The following SDCBP2 variants were observed in gnomAD, a reference collection of about 807,000 sequenced individuals.
The protein encoded by SDCBP2 is syntenin-2.
SDCBP2 carries 28 observed loss-of-function variants against 30.7 expected under a neutral mutation model. The observed-to-expected ratio is 0.91, with a 90% CI of 0.68 to 1.25. The LOEUF is 1.25. SDCBP2 is among the 50% of genes most tolerant of loss of function. The pLI is 0.00. For synonymous variants in SDCBP2, 166 were observed against 157.3 expected (o/e 1.06, Z -0.41); for missense variants, 399 against 379.0 (o/e 1.05, Z -0.44).
rs150568401 is a variant in SDCBP2 at position 1,321,903 on chromosome 20, G to C, written c.-19-1468C>G. 2.0e-5 allele frequency: 3 copies of C among 152,228 alleles called. No individual in the cohort carries two copies. The highest frequency in any genetic ancestry group is 6.5e-5 in the Admixed American group (1 of 15,278). 9.4% of individuals were successfully genotyped at this position (152,228 alleles called of 1,614,324 possible). On this transcript the variant is annotated intron_variant, in intron 1 of 8. Coordinates refer to ENST00000360779, the MANE Select transcript of SDCBP2 (RefSeq NM_080489.5). The surrounding 1 kb of genome is among the most constrained non-coding windows in gnomAD (Gnocchi z 5.2). ...GCTTTGGCAACCCTAGGCTATAGCA[G>C]AGTAGCTACAATTGAGTAGCAGCAG...
Position 1,310,830 on chromosome 20 carries a change from G to C in SDCBP2, c.794C>G (p.Pro265Arg). ...GACCATGTGCTCGTAGATCACACTG[G>C]GGATGATGGTCAGGGTGACAACGTT... ...AGNVVTLTII[P>R]SVIYEHMVKK... is the part of the protein sequence containing the mutation. The change falls in exon 8 of 9, where the codon CCC becomes CGC. Residue 265 changes from proline to arginine, a missense_variant. By Grantham distance (103) the Pro-to-Arg change is moderately radical (BLOSUM62 -2). Coordinates refer to ENST00000360779, the MANE Select transcript of SDCBP2 (RefSeq NM_080489.5). 6.2e-7 allele frequency: 1 copy of C among 1,614,004 alleles called. No individual in the cohort carries two copies. The highest frequency in any genetic ancestry group is 2.2e-5 in the East Asian group (1 of 44,868).
intron 8 of SDCBP2, 151 bp downstream of exon 8, chr20:1,310,649 G>T: frequency 1.0e-6 from 1 of 983,282 alleles, no homozygotes; most frequent in Non-Finnish European, 1.5e-6. Flanking sequence ...ACCTTGGAGG[G>T]AGGGGAAGGG....
At chr20:1,328,778 G>C (rs1278025235) in intron 1 of SDCBP2, among the ~76,000 whole-genome samples, 2 of 152,154 alleles carry the variant, frequency 1.3e-5, no homozygotes, top group Non-Finnish European at 2.9e-5. Flanking sequence ...GCTGGAATTG[G>C]CCTTTCAAGG....
chr20:1,310,373 C>G lies in SDCBP2; in HGVS notation c.*68G>C. 1.3e-6 allele frequency: 2 copies of G among 1,515,416 alleles called. No individual in the cohort carries two copies. Among genetic ancestry groups the G allele is most frequent in the Non-Finnish European group, 1.8e-6 (2 of 1,094,920 alleles). The allele number at this position is 1,515,416 out of a possible 1,614,324, so 93.9% of individuals were successfully genotyped here. A position where few individuals can be genotyped will look rare whatever the true frequency, so the allele number is the denominator to read the frequency against. On this transcript the variant is annotated 3_prime_UTR_variant, in exon 9 of 9. Coordinates refer to ENST00000360779, the MANE Select transcript of SDCBP2 (RefSeq NM_080489.5). The stretch of plus-strand genomic sequence containing the variant: ...AGCAGGCCGGCTGCAACCCATCATC[C>G]GAGGGTGGTTGCCCTTTGCTGCAGG...
Position 1,313,677 on chromosome 20 carries a change from A to AG in SDCBP2, c.226-180dup, listed in dbSNP as rs1268590383. On this transcript the variant is annotated intron_variant, in intron 4 of 8. Transcript: ENST00000360779. The surrounding 1 kb of genome is among the most constrained non-coding windows in gnomAD (Gnocchi z 5.2). Reference sequence around the variant, plus strand: ...GGAGACGTGGCTCCACGCGGCCACTAGGGGGCGTCAAAGTCCATGCCCTTA... The same window carrying AG: ...GGAGACGTGGCTCCACGCGGCCACTAGGGGGGCGTCAAAGTCCATGCCCTTA... The AG allele has an allele frequency of 1.5e-6, 2 of 1,368,508 alleles. No homozygotes were observed. The highest frequency in any genetic ancestry group is 2.9e-5 in the East Asian group (1 of 34,918). The allele number at this position is 1,368,508 out of a possible 1,614,324, so 84.8% of individuals were successfully genotyped here. A position where few individuals can be genotyped will look rare whatever the true frequency, so the allele number is the denominator to read the frequency against.
rs1325910634 is a variant in SDCBP2 at position 1,313,224 on chromosome 20, G to A, written c.384+116C>T. On this transcript the variant is annotated intron_variant, in intron 5 of 8. Transcript: ENST00000360779. The surrounding 1 kb of genome is among the most constrained non-coding windows in gnomAD (Gnocchi z 5.2). Reference sequence around the variant, plus strand: ...TGGGGGCAAGAGCCTGGCCGCTGGGGTTAGGAGGCCCGCTCTGCACCTTCC... The same window carrying A: ...TGGGGGCAAGAGCCTGGCCGCTGGGATTAGGAGGCCCGCTCTGCACCTTCC... 1.8e-6 allele frequency: 2 copies of A among 1,131,926 alleles called. No homozygotes were observed. The highest frequency in any genetic ancestry group is 2.5e-6 in the Non-Finnish European group (2 of 789,906). 70.1% of individuals were successfully genotyped at this position (1,131,926 alleles called of 1,614,324 possible).
At chr20:1,316,486 C>T (rs1427726006) in intron 4 of SDCBP2, among the ~76,000 whole-genome samples, 1 of 152,138 alleles carries the variant, frequency 6.6e-6, no homozygotes, top group South Asian at 2.1e-4. Flanking sequence ...ACCTCCTGGG[C>T]TCAAGCAATC....
rs902928294 is a variant in SDCBP2, at chr20:1,320,763, G to A, written c.-19-328C>T. The A allele has an allele frequency of 2.6e-5, 5 of 193,162 alleles. No individual in the cohort carries two copies. The highest frequency in any genetic ancestry group is 3.2e-5 in the Non-Finnish European group (3 of 94,422). 12.0% of individuals were successfully genotyped at this position (193,162 alleles called of 1,614,324 possible). A position where few individuals can be genotyped will look rare whatever the true frequency, so the allele number is the denominator to read the frequency against. On this transcript the variant is annotated intron_variant, in intron 1 of 8. Coordinates refer to ENST00000360779, the MANE Select transcript of SDCBP2 (RefSeq NM_080489.5). This position sits in a 1 kb window ranked among gnomAD's most constrained non-coding sequence, Gnocchi z 4.7. ...CACTGCTCCAGAGGGAGGAGGGAAT[G>A]GGGGGTGGAGAGGCACCATGAGCAC... is the stretch of plus-strand genomic sequence containing the variant.
rs775820466 is a variant in SDCBP2, at chr20:1,320,345, T to C, written c.54+18A>G. 23 of 1,611,384 alleles carry C rather than the reference T, an allele frequency of 1.4e-5. No homozygotes were observed. The highest frequency in any genetic ancestry group is 2.0e-5 in the Non-Finnish European group (23 of 1,177,742). On this transcript the variant is annotated intron_variant, in intron 2 of 8. Coordinates refer to ENST00000360779, the MANE Select transcript of SDCBP2 (RefSeq NM_080489.5). The surrounding 1 kb of genome is among the most constrained non-coding windows in gnomAD (Gnocchi z 4.7). ...GTCCCCTTCAGGGAATCCAGGCCAATGGGGCCTGGCGACTTACCTGAATGG... is the reference window on the plus strand; with the variant it reads ...GTCCCCTTCAGGGAATCCAGGCCAACGGGGCCTGGCGACTTACCTGAATGG...
Position 1,312,730 on chromosome 20 carries a change from G to T in SDCBP2, c.417C>A (p.Thr139=). 1 of 1,613,746 alleles carries T rather than the reference G, an allele frequency of 6.2e-7. No homozygotes were observed. Among genetic ancestry groups the T allele is most frequent in the Non-Finnish European group, 8.5e-7 (1 of 1,179,980 alleles). The change falls in exon 6 of 9, where the codon ACC becomes ACA. Residue 139 remains threonine (T), a synonymous_variant. Coordinates refer to ENST00000360779, the MANE Select transcript of SDCBP2 (RefSeq NM_080489.5). ...AGCGCAGCCCCACAAGGGATGCAGG[G>T]GTGTTGGCCTGGACCAACTGCACAA... ...GLFVQLVQAN[T]PASLVGLRFG... is the part of the protein sequence containing the mutation.
chr20:1,310,140 G>T lies in SDCBP2; in HGVS notation c.*301C>A. ...CCTGGTAGAGCAAAATTTCTTGAAA[G>T]GGGCCCAGTTGCGACTTTAAGCAGC... On this transcript the variant is annotated 3_prime_UTR_variant, in exon 9 of 9. Coordinates refer to ENST00000360779, the MANE Select transcript of SDCBP2 (RefSeq NM_080489.5). 3.3e-6 allele frequency: 1 copy of T among 301,690 alleles called. No homozygotes were observed. Among genetic ancestry groups the T allele is most frequent in the Non-Finnish European group, 6.1e-6 (1 of 164,244 alleles). The allele number at this position is 301,690 out of a possible 1,614,324, so 18.7% of individuals were successfully genotyped here.
rs1187522371 is a variant in SDCBP2, at chr20:1,324,452, G to A, written c.-19-4017C>T. 1.3e-5 allele frequency: 2 copies of A among 152,118 alleles called. No individual in the cohort carries two copies. Among genetic ancestry groups the A allele is most frequent in the Non-Finnish European group, 2.9e-5 (2 of 68,016 alleles). The allele number at this position is 152,118 out of a possible 1,614,324, so 9.4% of individuals were successfully genotyped here. ...ATCCCTGTCGGGGGTGGGGGGGGCAGGGATATGAAACTCCTGTAATGGATG... is the reference window on the plus strand; with the variant it reads ...ATCCCTGTCGGGGGTGGGGGGGGCAAGGATATGAAACTCCTGTAATGGATG... On this transcript the variant is annotated intron_variant, in intron 1 of 8. Coordinates refer to ENST00000360779, the MANE Select transcript of SDCBP2 (RefSeq NM_080489.5). This position sits in a 1 kb window ranked among gnomAD's most constrained non-coding sequence, Gnocchi z 4.7.
chr20:1,311,727 T>G (rs547333550), intron 7 of SDCBP2, among the ~76,000 whole-genome samples: 1 of 152,180 alleles, frequency 6.6e-6, no homozygotes, highest in Admixed American at 6.5e-5. Context: ...CACGACCCCA[T>G]GGATTTCTGA....
intron 1 of SDCBP2, among the ~76,000 whole-genome samples, chr20:1,328,054 T>A (rs1600290033): frequency 6.6e-6 from 1 of 151,720 alleles, no homozygotes. Context: ...CTGGGTGGGG[T>A]GACATTTGAG....
At chr20:1,318,754 TAAG>T (rs2088814704) in intron 3 of SDCBP2, among the ~76,000 whole-genome samples, 2 of 152,194 alleles carry the variant, frequency 1.3e-5, no homozygotes, top group African/African-American at 4.8e-5. Flanking sequence ...TGTGTCCTTA[TAAG>T]AAGAGACAAC....
In SDCBP2 at chr20:1,313,352, C is replaced by A. The variant is rs1198919754; in HGVS notation, c.372G>T (p.Arg124=). 1.2e-6 allele frequency: 2 copies of A among 1,611,608 alleles called. No homozygotes were observed. The change falls in exon 5 of 9, where the codon CGG becomes CGT. Residue 124 remains arginine (R), a synonymous_variant. Transcript: ENST00000360779. This position sits in a 1 kb window ranked among gnomAD's most constrained non-coding sequence, Gnocchi z 5.2. ...CCCCGCGCCCTACCTGGTCGACCTT[C>A]CGCAGCCTCAGCCCGGTCTTGCCGC... is the stretch of plus-strand genomic sequence containing the variant. ...DERGKTGLRL[R]KVDQGLFVQL...
chr20:1,310,771 A>G, intron 8 of SDCBP2, 29 bp downstream of exon 8: 2 of 1,574,456 alleles, frequency 1.3e-6, no homozygotes, highest in Non-Finnish European at 1.7e-6. Context: ...AGGAGGGGTG[A>G]GGAGGGGTGA....
At position 1,313,145 on chromosome 20, in the gene SDCBP2, G is replaced by T. The variant is rs749853998; in HGVS notation, c.384+195C>A. 1.9e-5 allele frequency: 12 copies of T among 638,578 alleles called. No individual in the cohort carries two copies. The African/African-American group carries it at 2.2e-4, about 12-fold the overall frequency. 39.6% of individuals were successfully genotyped at this position (638,578 alleles called of 1,614,324 possible). On this transcript the variant is annotated intron_variant, in intron 5 of 8. Transcript: ENST00000360779. This position sits in a 1 kb window ranked among gnomAD's most constrained non-coding sequence, Gnocchi z 5.2. ...ACGGAAGCCCACGGAGAGGCCAGTGGAGGGCCCTGCGCAACCCAGCACCAG... is the reference window on the plus strand; with the variant it reads ...ACGGAAGCCCACGGAGAGGCCAGTGTAGGGCCCTGCGCAACCCAGCACCAG...
intron 7 of SDCBP2, among the ~76,000 whole-genome samples, chr20:1,311,900 C>CTTTTT (rs11471529): frequency 0.1 from 12,232 of 120,892 alleles, 1,344 homozygotes; most frequent in African/African-American, 0.2. Context: ...GGTACACTGT[C>CTTTTT]TTTTTTTTTT....
Sources: gnomAD v4.1 joint callset for allele counts (sites outside exome capture counted in the v4.1 genomes callset) on GRCh38, gnomAD v4.1.1 for gene constraint, Gnocchi (gnomAD v3.1) non-coding constraint, MANE v1.5 for transcripts, NCBI Gene and HGNC (gene_info 2026-07-23, HGNC 2026-07-21) for gene names.